Variants in PLEKHM2 observed in about 807,000 individuals in gnomAD.
PLEKHM2 encodes the protein pleckstrin homology and RUN domain containing M2.
A neutral mutation model predicts 116.3 loss-of-function variants in PLEKHM2; 77 were observed. That is an observed-to-expected ratio of 0.66 (90% confidence interval 0.55 to 0.80). PLEKHM2 has a LOEUF of 0.80. Among genes scored for constraint, PLEKHM2 ranks in the 30% least tolerant of loss-of-function variants. The probability of loss-of-function intolerance (pLI) is 0.00; values close to 1 mark genes in which losing one functional copy is unlikely to be tolerated. For missense variants in PLEKHM2, 1,183 were observed against 1,354.9 expected (o/e 0.87, Z 1.99); for synonymous variants, 562 against 571.0 (o/e 0.98, Z 0.22).
intron 1 of PLEKHM2, among the ~76,000 whole-genome samples, chr1:15,686,331 G>C (rs1640767732): frequency 6.6e-6 from 1 of 152,160 alleles, no homozygotes; most frequent in Non-Finnish European, 1.5e-5. Context: ...ATGGATTCTG[G>C]AGTCCAGCTG....
Position 15,729,792 on chromosome 1 carries a change from T to C in PLEKHM2, c.2076-5T>C, listed in dbSNP as rs1305602778. 6.2e-7 allele frequency: 1 copy of C among 1,610,952 alleles called. No homozygotes were observed. On this transcript the variant is annotated splice_region_variant and splice_polypyrimidine_tract_variant and intron_variant, in intron 13 of 19. Coordinates refer to ENST00000375799, the MANE Select transcript of PLEKHM2 (RefSeq NM_015164.4). The surrounding 1 kb of genome is among the most constrained non-coding windows in gnomAD (Gnocchi z 4.7). ...CTCTAACCACAAACCTCACTCCCTA[T>C]GCAGGTTCTTTTTGGCTTCTTTGAA... is the stretch of plus-strand genomic sequence containing the variant.
rs1369776531 is a variant in PLEKHM2, at chr1:15,731,884, C to T, written c.2466-5C>T. On this transcript the variant is annotated splice_polypyrimidine_tract_variant and splice_region_variant and intron_variant, in intron 16 of 19. Coordinates refer to ENST00000375799, the MANE Select transcript of PLEKHM2 (RefSeq NM_015164.4). ...CTCCCGTTTCACCCTCCTCCTCTGGCCCAGGGGGGAGCAGTGCGGTGGCTG... is the reference window on the plus strand; with the variant it reads ...CTCCCGTTTCACCCTCCTCCTCTGGTCCAGGGGGGAGCAGTGCGGTGGCTG... 4 of 1,609,226 alleles carry T rather than the reference C, an allele frequency of 2.5e-6. No homozygotes were observed. Among genetic ancestry groups the T allele is most frequent in the Non-Finnish European group, 3.4e-6 (4 of 1,178,288 alleles).
At position 15,727,961 on chromosome 1, in the gene PLEKHM2, T is replaced by C. The variant is rs2068088271; in HGVS notation, c.1761-118T>C. On this transcript the variant is annotated intron_variant, in intron 9 of 19. Coordinates refer to ENST00000375799, the MANE Select transcript of PLEKHM2 (RefSeq NM_015164.4). This position sits in a 1 kb window ranked among gnomAD's most constrained non-coding sequence, Gnocchi z 7.5. ...GAGTGAGAAGGGGTGTGAGCCTCCCTCCCTAACTTTGGCTCCTAGTGGGAG... is the reference window on the plus strand; with the variant it reads ...GAGTGAGAAGGGGTGTGAGCCTCCCCCCCTAACTTTGGCTCCTAGTGGGAG... 2 of 1,199,298 alleles carry C rather than the reference T, an allele frequency of 1.7e-6. No homozygotes were observed. The highest frequency in any genetic ancestry group is 2.4e-6 in the Non-Finnish European group (2 of 830,294). 74.3% of individuals were successfully genotyped at this position (1,199,298 alleles called of 1,614,324 possible). A position where few individuals can be genotyped will look rare whatever the true frequency, so the allele number is the denominator to read the frequency against.
rs761588843 is a variant in PLEKHM2, at chr1:15,721,755, T to C, written c.712+367T>C. 7.2e-5 allele frequency among the ~76,000 whole-genome samples: 11 copies of C among 152,174 alleles called. No individual in the cohort carries two copies. The highest frequency in any genetic ancestry group is 1.5e-4 in the Non-Finnish European group (10 of 68,040). ...TTCTGGAAAACCATGCCTTTAAACA[T>C]GCGGGTTGTAAGCTCCTGCGGGTCA... On this transcript the variant is annotated intron_variant, in intron 7 of 19. Transcript: ENST00000375799. The surrounding 1 kb of genome is among the most constrained non-coding windows in gnomAD (Gnocchi z 5.1).
At chr1:15,696,478 G>A (rs1384231170) in intron 1 of PLEKHM2, among the ~76,000 whole-genome samples, 1 of 152,154 alleles carries the variant, frequency 6.6e-6, no homozygotes, top group African/African-American at 2.4e-5. Flanking sequence ...AGCCTCCCGA[G>A]TAGCTGGGAT....
chr1:15,703,406 C>G (rs934685277), intron 1 of PLEKHM2, among the ~76,000 whole-genome samples: 2 of 152,160 alleles, frequency 1.3e-5, no homozygotes, highest in African/African-American at 2.4e-5. Flanking sequence ...GACCCCTGCT[C>G]CCCTAGTATA....
rs1313169719 is a variant in PLEKHM2 at position 15,727,784 on chromosome 1, A to G, written c.1712A>G (p.Asp571Gly). Residue 571 changes from aspartate to glycine, a missense_variant, in exon 9 of 20, where the codon GAT (aspartate) becomes GGT (glycine). By Grantham distance (94) the Asp-to-Gly change is moderately conservative. Around this residue, in one of 3 missense-constraint regions of PLEKHM2, gnomAD observed 594 missense variants for 720.1 expected, o/e 0.82. Transcript: ENST00000375799. This position sits in a 1 kb window ranked among gnomAD's most constrained non-coding sequence, Gnocchi z 7.5. ...CLSSAEDSGV[D>G]EGQGSPSEMV... ...AGTAGCGCTGAGGATTCTGGGGTGG[A>G]TGAGGGACAGGGGAGCCCTTCGGAG... 3 of 1,604,142 alleles carry G rather than the reference A, an allele frequency of 1.9e-6. No homozygotes were observed. The highest frequency in any genetic ancestry group is 1.1e-5 in the South Asian group (1 of 89,110).
intron 7 of PLEKHM2, among the ~76,000 whole-genome samples, chr1:15,724,606 C>T (rs922576223): frequency 3.3e-5 from 5 of 152,130 alleles, no homozygotes; most frequent in Non-Finnish European, 7.4e-5. Context: ...GGCGGCCTCT[C>T]GGACCCCTGT....
chr1:15,684,681 G>T, intron 1 of PLEKHM2, 63 bp downstream of exon 1: 1 of 675,764 alleles, frequency 1.5e-6, no homozygotes, highest in Non-Finnish European at 1.8e-6. Context: ...GCCCTCCGGC[G>T]GCGCTCTCCC....
Position 15,732,476 on chromosome 1 carries a change from C to G in PLEKHM2, c.2752C>G (p.Leu918Val), listed in dbSNP as rs1212640423. 6.2e-7 allele frequency: 1 copy of G among 1,606,286 alleles called. No homozygotes were observed. Among genetic ancestry groups the G allele is most frequent in the East Asian group, 2.2e-5 (1 of 44,678 alleles). Reference protein sequence around the residue: ...SFFRSLGTAKLGDISAVSTEP... With the variant: ...SFFRSLGTAKVGDISAVSTEP... The stretch of plus-strand genomic sequence containing the variant: ...CTTCCGCTCTTTGGGCACAGCCAAG[C>G]TGGGCGACATCAGCGCCGTCTCCAC... Residue 918 changes from leucine to valine, a missense_variant, in exon 18 of 20, where the codon CTG (leucine) becomes GTG (valine). Transcript: ENST00000375799.
At chr1:15,732,245 C>A in intron 17 of PLEKHM2, 105 bp from the exon 18 acceptor site, 1 of 1,066,298 alleles carries the variant, frequency 9.4e-7, no homozygotes, top group Non-Finnish European at 1.4e-6. Context: ...GGAGGGAGAT[C>A]CCTGGAGGGA....
chr1:15,705,131 A>C (rs1641198027), intron 1 of PLEKHM2, among the ~76,000 whole-genome samples: 2 of 129,208 alleles, frequency 1.5e-5, no homozygotes, highest in South Asian at 4.8e-4. Flanking sequence ...CCTCAGATCC[A>C]TTTCCACAGC....
Position 15,734,007 on chromosome 1 carries a change from G to A in PLEKHM2, c.*73G>A. ...AGCCGGCAGGCACACTGTCACGGCT[G>A]TTGTCATGCTGTCGGGAGCCTACAG... On this transcript the variant is annotated 3_prime_UTR_variant, in exon 20 of 20. Coordinates refer to ENST00000375799, the MANE Select transcript of PLEKHM2 (RefSeq NM_015164.4). 2 of 1,509,992 alleles carry A rather than the reference G, an allele frequency of 1.3e-6. No homozygotes were observed. The highest frequency in any genetic ancestry group is 2.4e-5 in the East Asian group (1 of 41,712). 93.5% of individuals were successfully genotyped at this position (1,509,992 alleles called of 1,614,324 possible). A position where few individuals can be genotyped will look rare whatever the true frequency, so the allele number is the denominator to read the frequency against.
rs1249746368 is a variant in PLEKHM2, at chr1:15,698,541, C to CTTTTTTTTTTTTTTTTT, written c.60+13926_60+13927insTTTTTTTTTTTTTTTTT. Among the ~76,000 whole-genome samples the CTTTTTTTTTTTTTTTTT allele has an allele frequency of 4.3e-5, 6 of 139,034 alleles. 1 individual carries two copies. Among genetic ancestry groups the CTTTTTTTTTTTTTTTTT allele is most frequent in the African/African-American group, 1.7e-4 (6 of 34,354 alleles). 91.2% of individuals were successfully genotyped at this position (139,034 alleles called of 152,430 possible). ...TGTTTTTCTTTCTTTTTCTTTCTTT[C>CTTTTTTTTTTTTTTTTT]TTTCTTTCTTTTTTTTTTTTTTTTT... On this transcript the variant is annotated intron_variant, in intron 1 of 19. Coordinates refer to ENST00000375799, the MANE Select transcript of PLEKHM2 (RefSeq NM_015164.4).
At chr1:15,724,771 T>C (rs564055484) in intron 7 of PLEKHM2, among the ~76,000 whole-genome samples, 1 of 152,338 alleles carries the variant, frequency 6.6e-6, no homozygotes, top group South Asian at 2.1e-4. Flanking sequence ...TCACTTTCTC[T>C]GCTGTCTTCC....
At position 15,732,744 on chromosome 1, in the gene PLEKHM2, G is replaced by A; in HGVS notation, c.2922+16G>A. 1 of 1,548,678 alleles carries A rather than the reference G, an allele frequency of 6.5e-7. No individual in the cohort carries two copies. Reference sequence around the variant, plus strand: ...CATCTATCAGGTACCCAGCTGCCCAGGAAACCCATTAGCCAGGGACCCTGT... The same window carrying A: ...CATCTATCAGGTACCCAGCTGCCCAAGAAACCCATTAGCCAGGGACCCTGT... On this transcript the variant is annotated intron_variant, in intron 19 of 19. Coordinates refer to ENST00000375799, the MANE Select transcript of PLEKHM2 (RefSeq NM_015164.4).
chr1:15,717,277 A>C (rs1467054469), intron 3 of PLEKHM2, among the ~76,000 whole-genome samples: 5 of 152,090 alleles, frequency 3.3e-5, no homozygotes, highest in Non-Finnish European at 7.4e-5. Flanking sequence ...GGCCGGGCAC[A>C]GTGGCTCATG....
chr1:15,689,912 A>G (rs1051004271), intron 1 of PLEKHM2, among the ~76,000 whole-genome samples: 40 of 152,200 alleles, frequency 2.6e-4, no homozygotes, highest in Middle Eastern at 6.8e-3. Flanking sequence ...ATGAGCCACT[A>G]CGCCTGGCTA....
At position 15,731,133 on chromosome 1, in the gene PLEKHM2, C is replaced by T. The variant is rs533723003; in HGVS notation, c.2400-59C>T. ...TGGGAGGGGAACCCTGGGACCTGGG[C>T]TCCGCCTGGCCCCAGTTCCTGGGAC... On this transcript the variant is annotated intron_variant, in intron 15 of 19. Transcript: ENST00000375799. The T allele has an allele frequency of 3.7e-5, 48 of 1,284,534 alleles. No individual in the cohort carries two copies. In the East Asian group the frequency reaches 1.0e-3, roughly 28 times the overall value. 79.6% of individuals were successfully genotyped at this position (1,284,534 alleles called of 1,614,324 possible).
Sources: allele counts gnomAD v4.1 joint callset (sites outside exome capture counted in the v4.1 genomes callset), GRCh38; gene constraint gnomAD v4.1.1; regional missense constraint gnomAD v4.1.1; non-coding constraint Gnocchi (gnomAD v3.1); transcripts MANE v1.5; gene names NCBI Gene and HGNC (gene_info 2026-07-23, HGNC 2026-07-21).